Variants in IL1RAPL2 observed in about 807,000 individuals in gnomAD.
IL1RAPL2 encodes interleukin 1 receptor accessory protein like 2.
Under a neutral mutation model 44.1 loss-of-function variants are expected in IL1RAPL2, and 3 were observed. The observed-to-expected ratio is 0.07, with a 90% CI of 0.03 to 0.18. The LOEUF is 0.18. Ranked by LOEUF, IL1RAPL2 falls within the 10% of genes least tolerant of loss-of-function variation. The pLI is 1.00. For missense variants in IL1RAPL2, 391 were observed against 496.4 expected (o/e 0.79, Z 2.02); for synonymous variants, 181 against 178.8 (o/e 1.01, Z -0.10).
intron 2 of IL1RAPL2, among the ~76,000 whole-genome samples, chrX:105,009,155 T>G (rs1040693156): frequency 3.6e-5 from 4 of 111,392 alleles, no homozygotes; most frequent in Non-Finnish European, 7.5e-5. Context: ...TTGGTGGGAG[T>G]GTAAATTAGT....
chrX:105,097,006 C>G (rs914027794), intron 2 of IL1RAPL2, among the ~76,000 whole-genome samples: 2 of 110,701 alleles, frequency 1.8e-5, no homozygotes, highest in East Asian at 5.7e-4. Flanking sequence ...GCTGCCCAAC[C>G]AGCCTTTCAC....
intron 5 of IL1RAPL2, among the ~76,000 whole-genome samples, chrX:105,291,640 A>T (rs1468536361): frequency 1.8e-5 from 2 of 111,101 alleles, no homozygotes; most frequent in Non-Finnish European, 3.8e-5. Context: ...CATTGAAAAA[A>T]TCTCCTTTCT....
At chrX:105,030,218 T>A (rs1406262215) in intron 2 of IL1RAPL2, among the ~76,000 whole-genome samples, 1 of 111,764 alleles carries the variant, frequency 8.9e-6, no homozygotes, top group Admixed American at 9.5e-5. Context: ...TGATGGTAGT[T>A]TCTTTTGCTG....
chrX:104,582,620 C>CTT (rs1382178288), intron 1 of IL1RAPL2, among the ~76,000 whole-genome samples: 1 of 56,665 alleles, frequency 1.8e-5, no homozygotes, highest in African/African-American at 8.9e-5. Flanking sequence ...TTCTTTCTTT[C>CTT]TTTCTTTCTT....
At chrX:105,567,264 A>T (rs1008706112) in intron 6 of IL1RAPL2, among the ~76,000 whole-genome samples, 2 of 111,209 alleles carry the variant, frequency 1.8e-5, no homozygotes, top group Admixed American at 1.9e-4. Flanking sequence ...CTAAGCATGA[A>T]TCCAGAGAAG....
At chrX:105,018,361 C>T (rs983436974) in intron 2 of IL1RAPL2, among the ~76,000 whole-genome samples, 1 of 111,293 alleles carries the variant, frequency 9.0e-6, no homozygotes, top group Admixed American at 9.6e-5. Context: ...AGTATGCCTT[C>T]CTCCTACCTT....
chrX:105,272,634 A>G (rs2034456202), intron 5 of IL1RAPL2, among the ~76,000 whole-genome samples: 1 of 112,592 alleles, frequency 8.9e-6, no homozygotes, highest in South Asian at 3.6e-4. Flanking sequence ...AATACTTCAA[A>G]GATTTGCTGC....
intron 2 of IL1RAPL2, among the ~76,000 whole-genome samples, chrX:104,737,317 G>T (rs776527443): frequency 8.9e-6 from 1 of 112,333 alleles, no homozygotes; most frequent in Non-Finnish European, 1.9e-5. Flanking sequence ...TTGTAAATTG[G>T]AATGCAGAAC....
chrX:105,520,486 T>G (rs1222052062), intron 6 of IL1RAPL2, among the ~76,000 whole-genome samples: 1 of 112,134 alleles, frequency 8.9e-6, no homozygotes, highest in African/African-American at 3.2e-5. Context: ...ATAAGAAAAC[T>G]ATCCCAAGCC....
chrX:105,640,765 GAT>G (rs1237457242), intron 6 of IL1RAPL2, among the ~76,000 whole-genome samples: 1 of 88,053 alleles, frequency 1.1e-5, no homozygotes, highest in African/African-American at 4.0e-5. Context: ...TATAGATATA[GAT>G]ATAGATATAG....
intron 2 of IL1RAPL2, among the ~76,000 whole-genome samples, chrX:104,904,938 A>G (rs1923940506): frequency 9.0e-6 from 1 of 111,003 alleles, no homozygotes; most frequent in Non-Finnish European, 1.9e-5. Context: ...AAGTGTTCCT[A>G]TTTCTCCACA....
intron 3 of IL1RAPL2, among the ~76,000 whole-genome samples, chrX:105,197,523 G>T (rs1298832326): frequency 2.3e-4 from 26 of 111,537 alleles, no homozygotes; most frequent in African/African-American, 7.2e-4. Context: ...CTTCAGTCTT[G>T]TTACCTCCCC....
Position 105,356,647 on chromosome X carries a change from C to T in IL1RAPL2, c.697+89106C>T, listed in dbSNP as rs1373786793. 2.7e-5 allele frequency among the ~76,000 whole-genome samples: 3 copies of T among 112,125 alleles called. No individual in the cohort carries two copies. The South Asian group carries it at 1.1e-3, about 41-fold the overall frequency. Reference sequence around the variant, plus strand: ...CTTAGAAGGGCATTACCTGCTGAGACCATTTGGATTTGTTGAGTCCAGTGC... The same window carrying T: ...CTTAGAAGGGCATTACCTGCTGAGATCATTTGGATTTGTTGAGTCCAGTGC... On this transcript the variant is annotated intron_variant, in intron 5 of 10. Transcript: ENST00000372582.
chrX:104,731,309 A>G (rs1931912534), intron 2 of IL1RAPL2, among the ~76,000 whole-genome samples: 1 of 110,257 alleles, frequency 9.1e-6, no homozygotes, highest in Non-Finnish European at 1.9e-5. Flanking sequence ...TATGTCCTGA[A>G]TGGTAATGCC....
chrX:105,247,615 G>A (rs796075251), intron 4 of IL1RAPL2, among the ~76,000 whole-genome samples: 5,275 of 104,511 alleles, frequency 0.05, 219 homozygotes, highest in South Asian at 0.14. Context: ...GTGTGTGTGT[G>A]TGTGTGTGTG....
intron 2 of IL1RAPL2, among the ~76,000 whole-genome samples, chrX:105,069,722 G>A (rs2032182713): frequency 1.1e-4 from 12 of 112,193 alleles, no homozygotes; most frequent in Admixed American, 1.0e-3. Flanking sequence ...TCTTCCAACA[G>A]GAGTTGAATT....
intron 2 of IL1RAPL2, among the ~76,000 whole-genome samples, chrX:104,667,260 T>C (rs1281849484): frequency 8.9e-6 from 1 of 111,821 alleles, no homozygotes; most frequent in Non-Finnish European, 1.9e-5. Flanking sequence ...CCAAGGATTG[T>C]CTTAGAAATA....
intron 2 of IL1RAPL2, among the ~76,000 whole-genome samples, chrX:104,924,717 A>G (rs1214629303): frequency 9.0e-6 from 1 of 111,434 alleles, no homozygotes; most frequent in Non-Finnish European, 1.9e-5. Flanking sequence ...AGGAAAGTTT[A>G]TAGTATTAAA....
intron 2 of IL1RAPL2, among the ~76,000 whole-genome samples, chrX:104,682,704 G>A (rs1358837076): frequency 8.9e-6 from 1 of 111,740 alleles, no homozygotes; most frequent in Non-Finnish European, 1.9e-5. Flanking sequence ...TAGAGGTTTG[G>A]AAGAAGCTAG....
Sources: allele counts gnomAD v4.1 joint callset (sites outside exome capture counted in the v4.1 genomes callset), GRCh38; gene constraint gnomAD v4.1.1; transcripts MANE v1.5; gene names NCBI Gene and HGNC (gene_info 2026-07-23, HGNC 2026-07-21).